PTPRN2: variants seen among roughly 807,000 people sequenced by gnomAD.
PTPRN2 encodes the protein protein tyrosine phosphatase receptor type N2, also known as receptor-type tyrosine-protein phosphatase N2.
In PTPRN2, 74 loss-of-function variants were observed where a neutral mutation model predicts 118.8. The observed-to-expected ratio is 0.62, with a 90% CI of 0.52 to 0.76. The LOEUF (loss-of-function observed/expected upper bound fraction) is 0.76, where lower values mean the gene tolerates loss of function less well. Ranked by LOEUF, PTPRN2 falls within the 30% of genes least tolerant of loss-of-function variation. PTPRN2 has a pLI of 0.00. For missense variants in PTPRN2, 1,481 were observed against 1,394.4 expected, an observed-to-expected ratio of 1.06 and a Z score of -0.99; for synonymous variants, 641 against 608.0, an observed-to-expected ratio of 1.05 and a Z score of -0.80.
At position 157,590,902 on chromosome 7, in the gene PTPRN2, C is replaced by T. The variant is rs1344490120; in HGVS notation, c.2496+4336G>A. Among the ~76,000 whole-genome samples, 1 of 152,156 alleles carries T rather than the reference C, an allele frequency of 6.6e-6. No homozygotes were observed. Among genetic ancestry groups the T allele is most frequent in the African/African-American group, 2.4e-5 (1 of 41,418 alleles). On this transcript the variant is annotated intron_variant, in intron 17 of 22. Coordinates refer to ENST00000389418, the MANE Select transcript of PTPRN2 (RefSeq NM_002847.5). The surrounding 1 kb of genome is among the most constrained non-coding windows in gnomAD (Gnocchi z 4.0). ...ACCCATCACCATGTCATGTGGGTGC[C>T]AATTAGCTGCTTGGAAAAGGTCTTT...
Position 158,237,456 on chromosome 7 carries a change from C to T in PTPRN2, c.278-32183G>A, listed in dbSNP as rs373313597. Among the ~76,000 whole-genome samples the T allele has an allele frequency of 0.011, 252 of 22,290 alleles. 95 individuals carry two copies. The South Asian group carries it at 0.26, about 23-fold the overall frequency. The allele number at this position is 22,290 out of a possible 152,430, so 14.6% of individuals were successfully genotyped here. On this transcript the variant is annotated intron_variant, in intron 3 of 22. Transcript: ENST00000389418. ...TGTGTATGCATATCTAAAAGCACAG[C>T]ACTTAATCCTTTACATTGTCTATGA...
chr7:158,049,758 C>T (rs565006484), intron 11 of PTPRN2, among the ~76,000 whole-genome samples: 1 of 152,108 alleles, frequency 6.6e-6, no homozygotes, highest in South Asian at 2.1e-4. Flanking sequence ...AAAAAATGAG[C>T]CAGGCGTGGT....
intron 11 of PTPRN2, among the ~76,000 whole-genome samples, chr7:157,935,785 C>T (rs1799660237): frequency 6.6e-6 from 1 of 151,214 alleles, no homozygotes; most frequent in Non-Finnish European, 1.5e-5. Flanking sequence ...GTGTCACTCC[C>T]TCAGGGGGGT....
At chr7:157,819,493 G>A (rs1443374082) in intron 12 of PTPRN2, among the ~76,000 whole-genome samples, 3 of 151,752 alleles carry the variant, frequency 2.0e-5, no homozygotes, top group African/African-American at 4.8e-5. Context: ...CACACCGAGC[G>A]GCCGCAGCAC....
intron 11 of PTPRN2, among the ~76,000 whole-genome samples, chr7:158,073,497 C>T (rs1343068954): frequency 6.6e-6 from 1 of 152,220 alleles, no homozygotes; most frequent in African/African-American, 2.4e-5. Context: ...ATGCCCTGCC[C>T]AGCTGCCCTG....
intron 22 of PTPRN2, among the ~76,000 whole-genome samples, chr7:157,543,445 G>A (rs1192193928): frequency 2.0e-5 from 3 of 152,230 alleles, no homozygotes; most frequent in Non-Finnish European, 1.5e-5. Context: ...GCTGGACAGC[G>A]AGTGGGAACG....
At chr7:158,289,300 C>A (rs560335036) in intron 3 of PTPRN2, among the ~76,000 whole-genome samples, 1 of 152,234 alleles carries the variant, frequency 6.6e-6, no homozygotes, top group African/African-American at 2.4e-5. Context: ...ACCTGTAACT[C>A]AAATATTTGA....
At position 158,133,727 on chromosome 7, in the gene PTPRN2, C is replaced by T; in HGVS notation, c.1506G>A (p.Glu502=). 1 of 1,611,132 alleles carries T rather than the reference C, an allele frequency of 6.2e-7. No homozygotes were observed. The highest frequency in any genetic ancestry group is 8.5e-7 in the Non-Finnish European group (1 of 1,178,266). ...GCGCCTCTTCCTCGGAAGGCTGGAC[C>T]TCCAATTGCAGGCCGTCGCTGAGGG... ...QEALSDGLQL[E]VQPSEEEARG... The change falls in exon 9 of 23, where the codon GAG becomes GAA. Residue 502 remains glutamate, a synonymous_variant. Coordinates refer to ENST00000389418, the MANE Select transcript of PTPRN2 (RefSeq NM_002847.5).
chr7:157,603,265 G>A lies in PTPRN2; in HGVS notation c.2418+737C>T, dbSNP rs1187225233. 1.3e-5 allele frequency among the ~76,000 whole-genome samples: 2 copies of A among 151,908 alleles called. No homozygotes were observed. The highest frequency in any genetic ancestry group is 4.8e-5 in the African/African-American group (2 of 41,268). ...CTCCTCTGCTCACTCTGGGAGGGCT[G>A]CAAACCTCCCCATTCAGCCCTGCTC... On this transcript the variant is annotated intron_variant, in intron 16 of 22. Coordinates refer to ENST00000389418, the MANE Select transcript of PTPRN2 (RefSeq NM_002847.5). The surrounding 1 kb of genome is among the most constrained non-coding windows in gnomAD (Gnocchi z 5.4).
At chr7:158,353,880 A>G (rs1250032440) in intron 2 of PTPRN2, among the ~76,000 whole-genome samples, 2 of 152,122 alleles carry the variant, frequency 1.3e-5, no homozygotes, top group African/African-American at 4.8e-5. Context: ...GAGCATCCTG[A>G]GTGCCTGAAG....
At chr7:158,262,519 C>T (rs950519783) in intron 3 of PTPRN2, among the ~76,000 whole-genome samples, 20 of 132,214 alleles carry the variant, frequency 1.5e-4, no homozygotes, top group Admixed American at 4.6e-4. Flanking sequence ...CACACACATT[C>T]ACACACTGCA....
chr7:158,064,717 G>T (rs150289892), intron 11 of PTPRN2, among the ~76,000 whole-genome samples: 2 of 152,156 alleles, frequency 1.3e-5, no homozygotes, highest in African/African-American at 4.8e-5. Flanking sequence ...GACTGGTGGG[G>T]GGGACATTTT....
intron 2 of PTPRN2, among the ~76,000 whole-genome samples, chr7:158,324,291 C>G (rs1481558241): frequency 1.3e-5 from 2 of 152,204 alleles, no homozygotes; most frequent in African/African-American, 4.8e-5. Flanking sequence ...GCATCTGGTA[C>G]AGTGCCTTGC....
chr7:157,792,763 T>G (rs1482989119), intron 12 of PTPRN2, among the ~76,000 whole-genome samples: 1 of 152,200 alleles, frequency 6.6e-6, no homozygotes, highest in Non-Finnish European at 1.5e-5. Flanking sequence ...TGCCCCGTGA[T>G]GGCTGGACCT....
At position 158,190,909 on chromosome 7, in the gene PTPRN2, G is replaced by A. The variant is rs187299178; in HGVS notation, c.549+1418C>T. ...AGATGGCTGCCCAGGAGCTGCCCTC[G>A]GAAAGGCTCCAGAGAACCATGGGGC... On this transcript the variant is annotated intron_variant, in intron 5 of 22. Coordinates refer to ENST00000389418, the MANE Select transcript of PTPRN2 (RefSeq NM_002847.5). Among the ~76,000 whole-genome samples, 33 of 152,364 alleles carry A rather than the reference G, an allele frequency of 2.2e-4. No homozygotes were observed. In the South Asian group the frequency reaches 2.7e-3, roughly 12 times the overall value.
At chr7:157,546,023 A>G (rs1196493105) in intron 22 of PTPRN2, among the ~76,000 whole-genome samples, 1 of 152,136 alleles carries the variant, frequency 6.6e-6, no homozygotes, top group Admixed American at 6.5e-5. Flanking sequence ...TTAAGATGTG[A>G]TGGTGACTTT....
intron 11 of PTPRN2, among the ~76,000 whole-genome samples, chr7:157,927,287 G>T (rs185002407): frequency 3.7e-5 from 2 of 53,580 alleles, no homozygotes; most frequent in Non-Finnish European, 7.4e-5. Context: ...CCAGGGACCC[G>T]TCTGAGAGCA....
chr7:158,204,278 C>T (rs974878317), intron 4 of PTPRN2, among the ~76,000 whole-genome samples: 1 of 151,556 alleles, frequency 6.6e-6, no homozygotes, highest in African/African-American at 2.4e-5. Context: ...CAGTGTGCGC[C>T]GCGTTCTGAG....
intron 2 of PTPRN2, among the ~76,000 whole-genome samples, chr7:158,392,840 G>A (rs751050151): frequency 1.6e-4 from 25 of 152,158 alleles, no homozygotes; most frequent in Non-Finnish European, 2.8e-4. Context: ...CATCGGACCT[G>A]CAGGTATGTC....
Sources: gnomAD v4.1 joint callset for allele counts (sites outside exome capture counted in the v4.1 genomes callset) on GRCh38, gnomAD v4.1.1 for gene constraint, Gnocchi (gnomAD v3.1) non-coding constraint, MANE v1.5 for transcripts, NCBI Gene and HGNC (gene_info 2026-07-23, HGNC 2026-07-21) for gene names.